Variants in PRKG1 observed in about 807,000 individuals in gnomAD.
The protein encoded by PRKG1 is cGMP-dependent protein kinase 1.
Under a neutral mutation model 88.1 loss-of-function variants are expected in PRKG1, and 35 were observed. The ratio of observed to expected loss-of-function variants is 0.40; its 90% CI spans 0.30 to 0.53. The LOEUF is 0.53. PRKG1 is among the 20% of genes least tolerant of loss of function. The probability of loss-of-function intolerance (pLI) is 0.59; values close to 1 mark genes in which losing one functional copy is unlikely to be tolerated. For synonymous variants in PRKG1, 303 were observed against 292.5 expected (o/e 1.04, Z -0.37); for missense variants, 540 against 839.8 (o/e 0.64, Z 4.41).
At chr10:52,193,137 GA>G (rs1839407971) in intron 9 of PRKG1, among the ~76,000 whole-genome samples, 1 of 152,056 alleles carries the variant, frequency 6.6e-6, no homozygotes, top group South Asian at 2.1e-4. Flanking sequence ...AATATTAAAG[GA>G]AAAATATGGC....
intron 9 of PRKG1, among the ~76,000 whole-genome samples, chr10:52,169,572 G>C (rs1838599475): frequency 6.6e-6 from 1 of 152,194 alleles, no homozygotes; most frequent in African/African-American, 2.4e-5. Context: ...GTCTACAGCA[G>C]TGTGCTTCAA....
chr10:51,794,826 A>G (rs1202050560), intron 3 of PRKG1, among the ~76,000 whole-genome samples: 2 of 152,112 alleles, frequency 1.3e-5, no homozygotes, highest in East Asian at 3.9e-4. Context: ...AAAACAAGCT[A>G]GGCTTTGGAG....
intron 5 of PRKG1, among the ~76,000 whole-genome samples, chr10:51,976,933 A>G (rs937506967): frequency 2.6e-4 from 39 of 152,004 alleles, no homozygotes; most frequent in African/African-American, 8.9e-4. Context: ...TATATATTGA[A>G]TGTTTCTGAA....
At chr10:52,206,753 A>G (rs955402409) in intron 9 of PRKG1, among the ~76,000 whole-genome samples, 1 of 152,122 alleles carries the variant, frequency 6.6e-6, no homozygotes, top group Non-Finnish European at 1.5e-5. Flanking sequence ...CCCCAGTTCT[A>G]TCCTGTCTCC....
At chr10:51,764,033 G>A (rs1159161862) in intron 3 of PRKG1, among the ~76,000 whole-genome samples, 1 of 152,084 alleles carries the variant, frequency 6.6e-6, no homozygotes, top group Non-Finnish European at 1.5e-5. Context: ...TCTCTTAAAG[G>A]CTCCATCTCT....
chr10:52,092,281 C>T (rs993812869), intron 7 of PRKG1, among the ~76,000 whole-genome samples: 1 of 152,094 alleles, frequency 6.6e-6, no homozygotes, highest in Non-Finnish European at 1.5e-5. Flanking sequence ...AAAGTAACAG[C>T]CTACCGACAT....
chr10:52,095,019 A>C (rs1847141367), intron 7 of PRKG1, among the ~76,000 whole-genome samples: 1 of 152,132 alleles, frequency 6.6e-6, no homozygotes, highest in South Asian at 2.1e-4. Context: ...CTTTTTGGCC[A>C]CTGGATTCTG....
At chr10:51,733,558 T>C (rs1837175588) in intron 3 of PRKG1, among the ~76,000 whole-genome samples, 2 of 152,208 alleles carry the variant, frequency 1.3e-5, no homozygotes, top group Non-Finnish European at 2.9e-5. Flanking sequence ...AAGTGATCAC[T>C]TGATCTCCCT....
chr10:51,011,365 C>T (rs531772629), intron 1 of PRKG1, among the ~76,000 whole-genome samples: 1 of 152,198 alleles, frequency 6.6e-6, no homozygotes, highest in Admixed American at 6.5e-5. Context: ...CAGAATGTCT[C>T]CAGACACCAC....
Position 52,294,620 on chromosome 10 carries a change from G to GT in PRKG1, c.*728dup, listed in dbSNP as rs202187901. 2,292 of 152,170 alleles carry GT rather than the reference G, an allele frequency of 0.015. 30 individuals are homozygous for GT. The highest frequency in any genetic ancestry group is 0.027 in the South Asian group (129 of 4,806). The allele number at this position is 152,170 out of a possible 1,614,324, so 9.4% of individuals were successfully genotyped here. On this transcript the variant is annotated 3_prime_UTR_variant, in exon 18 of 18. Coordinates refer to ENST00000373980, the MANE Select transcript of PRKG1 (RefSeq NM_006258.4). Reference sequence around the variant, plus strand: ...GAAAAATAATGCATGATATTTGTTTGTTTTTTTTGATAAATTGGCATGACA... The same window carrying GT: ...GAAAAATAATGCATGATATTTGTTTGTTTTTTTTTGATAAATTGGCATGACA...
chr10:51,583,769 C>T (rs1838102618), intron 3 of PRKG1, among the ~76,000 whole-genome samples: 1 of 151,972 alleles, frequency 6.6e-6, no homozygotes, highest in African/African-American at 2.4e-5. Flanking sequence ...CTCAGATGCC[C>T]TTAAGGTTTG....
chr10:51,584,982 C>T (rs1049032144), intron 3 of PRKG1, among the ~76,000 whole-genome samples: 1 of 151,968 alleles, frequency 6.6e-6, no homozygotes, highest in African/African-American at 2.4e-5. Context: ...GATTTACCCC[C>T]GATAAGTTTA....
intron 3 of PRKG1, among the ~76,000 whole-genome samples, chr10:51,660,151 CAG>C (rs917880868): frequency 1.5e-5 from 2 of 129,690 alleles, no homozygotes; most frequent in Non-Finnish European, 3.3e-5. Context: ...AAAAAAGTAA[CAG>C]AGATGGTTTC....
At chr10:51,695,051 T>TC (rs1285019155) in intron 3 of PRKG1, among the ~76,000 whole-genome samples, 1 of 152,160 alleles carries the variant, frequency 6.6e-6, no homozygotes, top group African/African-American at 2.4e-5. Flanking sequence ...TGGGATTTTT[T>TC]CCCCCTAATA....
chr10:52,063,404 T>A (rs780269456), intron 7 of PRKG1, among the ~76,000 whole-genome samples: 1 of 152,224 alleles, frequency 6.6e-6, no homozygotes, highest in Non-Finnish European at 1.5e-5. Flanking sequence ...AGGAACTGCA[T>A]AGCCCCAAAG....
intron 5 of PRKG1, among the ~76,000 whole-genome samples, chr10:51,915,543 GTGTA>G (rs1241492594): frequency 6.7e-5 from 10 of 149,994 alleles, no homozygotes; most frequent in African/African-American, 2.5e-4. Flanking sequence ...AGATGTGTGT[GTGTA>G]TGTGTGTGTG....
chr10:51,296,726 C>G (rs1840729617), intron 2 of PRKG1, among the ~76,000 whole-genome samples: 1 of 151,862 alleles, frequency 6.6e-6, no homozygotes. Context: ...GGTTTAGTTT[C>G]TTCCTCTTTT....
chr10:51,898,582 T>C (rs1156833587), intron 4 of PRKG1, among the ~76,000 whole-genome samples: 1 of 152,000 alleles, frequency 6.6e-6, no homozygotes, highest in Non-Finnish European at 1.5e-5. Flanking sequence ...TGCCTATAAC[T>C]CCAACAGTTT....
intron 3 of PRKG1, among the ~76,000 whole-genome samples, chr10:51,485,911 A>G (rs1840520033): frequency 6.6e-6 from 1 of 152,108 alleles, no homozygotes. Flanking sequence ...GATGCATGGC[A>G]AGATAGACTC....
Sources: gnomAD v4.1 joint callset for allele counts (sites outside exome capture counted in the v4.1 genomes callset) on GRCh38, gnomAD v4.1.1 for gene constraint, MANE v1.5 for transcripts, NCBI Gene and HGNC (gene_info 2026-07-23, HGNC 2026-07-21) for gene names.